KCNIP4: variants seen among roughly 807,000 people sequenced by gnomAD.
KCNIP4 encodes the protein potassium voltage-gated channel interacting protein 4.
Under a neutral mutation model 34.0 loss-of-function variants are expected in KCNIP4, and 12 were observed. The observed-to-expected ratio is 0.35, with a 90% CI of 0.23 to 0.57. The LOEUF is 0.57. KCNIP4 is among the 20% of genes least tolerant of loss of function. The pLI is 0.83. For missense variants in KCNIP4, 238 were observed against 311.7 expected, an observed-to-expected ratio of 0.76 and a Z score of 1.78; for synonymous variants, 124 against 102.2, an observed-to-expected ratio of 1.21 and a Z score of -1.29.
chr4:20,753,663 G>A (rs1174297173), intron 4 of KCNIP4, among the ~76,000 whole-genome samples: 2 of 152,086 alleles, frequency 1.3e-5, no homozygotes, highest in Non-Finnish European at 2.9e-5. Flanking sequence ...TCATGACATC[G>A]TTACTATGGT....
rs1003573669 is a variant in KCNIP4 at position 21,833,660 on chromosome 4, CT to C, written c.61+114910del. Among the ~76,000 whole-genome samples, 799 of 152,068 alleles carry C rather than the reference CT, an allele frequency of 5.3e-3. 7 individuals carry two copies. The highest frequency in any genetic ancestry group is 0.018 in the African/African-American group (753 of 41,504). On this transcript the variant is annotated intron_variant, in intron 1 of 8. Transcript: ENST00000382152. Reference sequence around the variant, plus strand: ...CTTTTGGTGTTTTAGACACGAAGTCCTTGCCCATGCCTATGTCCTGAATGGT... The same window carrying C: ...CTTTTGGTGTTTTAGACACGAAGTCCTGCCCATGCCTATGTCCTGAATGGT...
intron 1 of KCNIP4, among the ~76,000 whole-genome samples, chr4:21,194,093 A>T (rs889432232): frequency 2.0e-5 from 3 of 152,204 alleles, no homozygotes; most frequent in Admixed American, 2.0e-4. Context: ...ACACTTTTAC[A>T]AATGTTGCTT....
intron 1 of KCNIP4, among the ~76,000 whole-genome samples, chr4:21,217,174 GC>G (rs748704149): frequency 6.6e-6 from 1 of 152,166 alleles, no homozygotes; most frequent in African/African-American, 2.4e-5. Flanking sequence ...AAAATAAACT[GC>G]AGAGCTAGCA....
At chr4:21,928,119 TATA>T (rs1423784969) in intron 1 of KCNIP4, among the ~76,000 whole-genome samples, 2 of 125,394 alleles carry the variant, frequency 1.6e-5, no homozygotes, top group African/African-American at 3.3e-5. Flanking sequence ...TATATATATA[TATA>T]TATATACACA....
At chr4:21,411,172 T>G (rs1450499724) in intron 1 of KCNIP4, among the ~76,000 whole-genome samples, 2 of 152,116 alleles carry the variant, frequency 1.3e-5, no homozygotes, top group African/African-American at 4.8e-5. Context: ...ACAGTGAAAT[T>G]TAGGGTAACA....
rs548582622 is a variant in KCNIP4, at chr4:21,891,447, C to G, written c.61+57124G>C. On this transcript the variant is annotated intron_variant, in intron 1 of 8. Coordinates refer to ENST00000382152, the MANE Select transcript of KCNIP4 (RefSeq NM_025221.6). ...TAGGGTTCTTCGGATCCCTAAGAAACGAGTCAGCGACAAAGAAACACCTGA... is the reference window on the plus strand; with the variant it reads ...TAGGGTTCTTCGGATCCCTAAGAAAGGAGTCAGCGACAAAGAAACACCTGA... 2.0e-5 allele frequency among the ~76,000 whole-genome samples: 3 copies of G among 151,974 alleles called. No individual in the cohort carries two copies. In the South Asian group the frequency reaches 6.2e-4, roughly 32 times the overall value.
chr4:20,820,827 C>G (rs1191398344), intron 3 of KCNIP4, among the ~76,000 whole-genome samples: 1 of 152,188 alleles, frequency 6.6e-6, no homozygotes, highest in East Asian at 1.9e-4. Context: ...GTGCAGTGCT[C>G]TTTGGCTGCT....
chr4:21,519,929 G>T (rs1341682870), intron 1 of KCNIP4, among the ~76,000 whole-genome samples: 1 of 150,224 alleles, frequency 6.7e-6, no homozygotes, highest in Non-Finnish European at 1.5e-5. Context: ...AGTATTAGCT[G>T]ATCACAAGGT....
At chr4:21,125,188 C>CTTTATTTTATTTTATTTTATT (rs71655614) in intron 1 of KCNIP4, among the ~76,000 whole-genome samples, 2 of 119,030 alleles carry the variant, frequency 1.7e-5, no homozygotes, top group Non-Finnish European at 3.5e-5. Context: ...TTTATTTTGT[C>CTTTATTTTATTTTATTTTATT]TTATTTTATT....
chr4:21,939,552 A>T (rs1730077317), intron 1 of KCNIP4, among the ~76,000 whole-genome samples: 1 of 152,020 alleles, frequency 6.6e-6, no homozygotes, highest in South Asian at 2.1e-4. Flanking sequence ...TCATTGTTTT[A>T]TACTTGTCCC....
At chr4:20,853,975 T>C (rs570536958) in intron 2 of KCNIP4, among the ~76,000 whole-genome samples, 144 of 152,148 alleles carry the variant, frequency 9.5e-4, no homozygotes, top group Non-Finnish European at 1.6e-3. Context: ...ATGGCCATAA[T>C]CAAAAAATCA....
At chr4:21,429,330 T>C (rs1048630465) in intron 1 of KCNIP4, among the ~76,000 whole-genome samples, 2 of 152,194 alleles carry the variant, frequency 1.3e-5, no homozygotes, top group Non-Finnish European at 2.9e-5. Context: ...CTCATTTTTT[T>C]TTAGCACTGA....
At chr4:21,116,913 T>A (rs943995077) in intron 1 of KCNIP4, among the ~76,000 whole-genome samples, 2 of 152,242 alleles carry the variant, frequency 1.3e-5, no homozygotes, top group African/African-American at 4.8e-5. Context: ...CATGTTTTAT[T>A]TATTTTTTCT....
chr4:21,372,350 G>T (rs1720522227), intron 1 of KCNIP4, among the ~76,000 whole-genome samples: 1 of 68,238 alleles, frequency 1.5e-5, no homozygotes, highest in African/African-American at 7.5e-5. Context: ...TTCCAGTTTG[G>T]TGAATAGATA....
At chr4:21,004,558 G>T (rs1234491636) in intron 1 of KCNIP4, among the ~76,000 whole-genome samples, 1 of 152,196 alleles carries the variant, frequency 6.6e-6, no homozygotes, top group East Asian at 1.9e-4. Context: ...CACAGTCAAG[G>T]TGAGAGTCTT....
intron 1 of KCNIP4, among the ~76,000 whole-genome samples, chr4:20,919,208 A>G (rs1374587800): frequency 2.6e-5 from 4 of 152,072 alleles, no homozygotes; most frequent in African/African-American, 9.7e-5. Flanking sequence ...CTGAGTTTCA[A>G]TCTAGTAGAC....
chr4:21,560,538 C>G (rs551412577), intron 1 of KCNIP4, among the ~76,000 whole-genome samples: 4 of 152,052 alleles, frequency 2.6e-5, no homozygotes, highest in African/African-American at 7.2e-5. Context: ...ATTTCAGCAG[C>G]AAGATTTTAT....
chr4:21,048,942 A>ATTT (rs1742671680), intron 1 of KCNIP4, among the ~76,000 whole-genome samples: 1 of 130,742 alleles, frequency 7.6e-6, no homozygotes, highest in African/African-American at 3.0e-5. Context: ...CCTTCTGTTT[A>ATTT]TCTTTTTTTT....
chr4:21,381,916 A>C (rs1031018156), intron 1 of KCNIP4, among the ~76,000 whole-genome samples: 12 of 152,180 alleles, frequency 7.9e-5, no homozygotes, highest in African/African-American at 2.9e-4. Flanking sequence ...GCATGGAGTC[A>C]TATATTAGTC....
Sources: allele counts gnomAD v4.1 joint callset (sites outside exome capture counted in the v4.1 genomes callset), GRCh38; gene constraint gnomAD v4.1.1; transcripts MANE v1.5; gene names NCBI Gene and HGNC (gene_info 2026-07-23, HGNC 2026-07-21).